FHIT: variants seen among roughly 807,000 people sequenced by gnomAD.
FHIT encodes fragile histidine triad diadenosine triphosphatase, also known as bis(5'-adenosyl)-triphosphatase.
FHIT carries 19 observed loss-of-function variants against 17.9 expected under a neutral mutation model. The observed-to-expected ratio is 1.06, with a 90% CI of 0.74 to 1.56. The LOEUF is 1.56. FHIT is among the 40% of genes most tolerant of loss of function. The pLI is 0.00. For missense variants in FHIT, 248 were observed against 189.2 expected (o/e 1.31, Z -1.82); for synonymous variants, 81 against 69.7 (o/e 1.16, Z -0.81).
chr3:59,818,191 T>C (rs1344961641), intron 8 of FHIT, among the ~76,000 whole-genome samples: 1 of 152,154 alleles, frequency 6.6e-6, no homozygotes, highest in Non-Finnish European at 1.5e-5. Flanking sequence ...CCCTGCACTC[T>C]GCCCTACTCT....
At chr3:60,685,491 G>A (rs1390227802) in intron 4 of FHIT, among the ~76,000 whole-genome samples, 7 of 152,072 alleles carry the variant, frequency 4.6e-5, no homozygotes, top group African/African-American at 1.2e-4. Flanking sequence ...AAGGTTACTC[G>A]AAGCCAGCTT....
At chr3:60,527,109 G>T (rs1361832761) in intron 5 of FHIT, among the ~76,000 whole-genome samples, 2 of 152,104 alleles carry the variant, frequency 1.3e-5, no homozygotes, top group East Asian at 3.9e-4. Context: ...TTATTCCGCG[G>T]AAATATGAAA....
chr3:60,534,768 A>G (rs1049845101), intron 5 of FHIT, among the ~76,000 whole-genome samples: 6 of 152,196 alleles, frequency 3.9e-5, no homozygotes, highest in Non-Finnish European at 5.9e-5. Context: ...AAAGTAACTG[A>G]GCAGGGTTCA....
At chr3:59,996,249 C>A (rs537985771) in intron 7 of FHIT, among the ~76,000 whole-genome samples, 1 of 152,162 alleles carries the variant, frequency 6.6e-6, no homozygotes, top group African/African-American at 2.4e-5. Context: ...CAGTGGACAG[C>A]ATCAGATTTA....
Position 60,933,452 on chromosome 3 carries a change from G to A in FHIT, c.-111+108595C>T, listed in dbSNP as rs142453669. ...TTTGCATATGAAGTCTTAGAACTCC[G>A]GTGTGTAGTTGACACTCAGAGCACA... On this transcript the variant is annotated intron_variant, in intron 3 of 9. Transcript: ENST00000492590. 6.4e-4 allele frequency among the ~76,000 whole-genome samples: 98 copies of A among 152,240 alleles called. 2 individuals carry two copies. The East Asian group carries it at 0.01, about 16-fold the overall frequency.
chr3:60,078,874 A>G (rs751312882), intron 5 of FHIT, among the ~76,000 whole-genome samples: 3 of 152,206 alleles, frequency 2.0e-5, no homozygotes, highest in Admixed American at 2.0e-4. Flanking sequence ...GGAGGAGGGT[A>G]GAGGGATTCT....
At position 60,475,257 on chromosome 3, in the gene FHIT, A is replaced by C. The variant is rs148887361; in HGVS notation, c.103+61603T>G. Among the ~76,000 whole-genome samples the C allele has an allele frequency of 5.9e-5, 9 of 152,302 alleles. No homozygotes were observed. In the East Asian group the frequency reaches 1.7e-3, roughly 29 times the overall value. On this transcript the variant is annotated intron_variant, in intron 5 of 9. Coordinates refer to ENST00000492590, the MANE Select transcript of FHIT (RefSeq NM_002012.4). ...AGATGTCCATTGTACTGAAAAGGAG[A>C]CAAAGCAAAGGTTAGGGGAGTTAAG...
chr3:59,949,561 A>G (rs534201719), intron 7 of FHIT, among the ~76,000 whole-genome samples: 2 of 152,346 alleles, frequency 1.3e-5, no homozygotes, highest in East Asian at 3.9e-4. Flanking sequence ...AATACTTTGG[A>G]AAGGATAACT....
chr3:59,836,498 A>G (rs998536361), intron 8 of FHIT, among the ~76,000 whole-genome samples: 2 of 152,168 alleles, frequency 1.3e-5, no homozygotes, highest in African/African-American at 4.8e-5. Flanking sequence ...CCCTCCTGTT[A>G]CAGGAAGGCT....
rs1202475701 is a variant in FHIT at position 60,280,070 on chromosome 3, C to CA, written c.103+256789dup. Among the ~76,000 whole-genome samples, 14 of 146,368 alleles carry CA rather than the reference C, an allele frequency of 9.6e-5. No individual in the cohort carries two copies. In the East Asian group the frequency reaches 9.9e-4, roughly 10 times the overall value. Reference sequence around the variant, plus strand: ...AAAACAATAGAAGAAAACCAAACAACAAAAAAAACTCAACAAACGTAACTT... The same window carrying CA: ...AAAACAATAGAAGAAAACCAAACAACAAAAAAAAACTCAACAAACGTAACTT... On this transcript the variant is annotated intron_variant, in intron 5 of 9. Transcript: ENST00000492590.
chr3:59,763,725 G>A (rs777506409), intron 8 of FHIT, among the ~76,000 whole-genome samples: 48 of 141,776 alleles, frequency 3.4e-4, no homozygotes, highest in Admixed American at 5.1e-4. Flanking sequence ...CTGAGGAAAG[G>A]ACAGTCAGCT....
At chr3:60,581,285 A>T (rs1576919163) in intron 4 of FHIT, among the ~76,000 whole-genome samples, 1 of 152,118 alleles carries the variant, frequency 6.6e-6, no homozygotes, top group African/African-American at 2.4e-5. Flanking sequence ...GAGGGTAAGT[A>T]ATTTGTCTAA....
At chr3:60,070,778 C>T (rs539467233) in intron 5 of FHIT, among the ~76,000 whole-genome samples, 1 of 152,180 alleles carries the variant, frequency 6.6e-6, no homozygotes. Flanking sequence ...CTGGGTTTTC[C>T]TCCCCAGTTT....
intron 5 of FHIT, chr3:60,536,312 G>C (rs1362696508): frequency 6.6e-6 from 1 of 152,092 alleles, no homozygotes; most frequent in Non-Finnish European, 1.5e-5. Flanking sequence ...TTTCCCAAGA[G>C]AAAATGCTAT....
At chr3:60,606,487 C>T (rs573445669) in intron 4 of FHIT, among the ~76,000 whole-genome samples, 7 of 152,144 alleles carry the variant, frequency 4.6e-5, no homozygotes, top group South Asian at 2.1e-4. Flanking sequence ...GCAATCTGCC[C>T]GCCTCAGCCT....
chr3:60,230,673 C>A (rs540500772), intron 5 of FHIT, among the ~76,000 whole-genome samples: 2 of 152,074 alleles, frequency 1.3e-5, no homozygotes, highest in African/African-American at 4.8e-5. Flanking sequence ...GAGTAGAATG[C>A]CTTTTTGTCC....
chr3:60,878,725 T>A (rs1553757189), intron 3 of FHIT, among the ~76,000 whole-genome samples: 1 of 151,692 alleles, frequency 6.6e-6, no homozygotes. Context: ...CACCTATGAG[T>A]GAGAACACGC....
chr3:60,844,771 A>G (rs1342085985), intron 3 of FHIT, among the ~76,000 whole-genome samples: 3 of 152,170 alleles, frequency 2.0e-5, no homozygotes, highest in Admixed American at 2.0e-4. Context: ...AGAAATGTCT[A>G]TACAGGTTTA....
chr3:60,112,716 A>T (rs754027676), intron 5 of FHIT, among the ~76,000 whole-genome samples: 1 of 152,206 alleles, frequency 6.6e-6, no homozygotes, highest in Non-Finnish European at 1.5e-5. Context: ...TAGAATGGAA[A>T]CTACATAAAT....
Sources: allele counts gnomAD v4.1 joint callset (sites outside exome capture counted in the v4.1 genomes callset), GRCh38; gene constraint gnomAD v4.1.1; transcripts MANE v1.5; gene names NCBI Gene and HGNC (gene_info 2026-07-23, HGNC 2026-07-21).